OTUD7A: variants seen among roughly 807,000 people sequenced by gnomAD.
OTUD7A encodes the protein OTU domain-containing protein 7A.
In OTUD7A, 12 loss-of-function variants were observed where a neutral mutation model predicts 65.7. The ratio of observed to expected loss-of-function variants is 0.18; its 90% CI spans 0.12 to 0.30. OTUD7A has a LOEUF of 0.30. Among genes scored for constraint, OTUD7A ranks in the 10% least tolerant of loss-of-function variants. The pLI, the probability that OTUD7A is intolerant of heterozygous loss-of-function variation, is 1.00. For synonymous variants in OTUD7A, 641 were observed against 586.3 expected, an observed-to-expected ratio of 1.09 and a Z score of -1.35; for missense variants, 1,148 against 1,304.8, an observed-to-expected ratio of 0.88 and a Z score of 1.85.
intron 1 of OTUD7A, among the ~76,000 whole-genome samples, chr15:31,815,869 C>T (rs1177837196): frequency 6.6e-6 from 1 of 152,226 alleles, no homozygotes; most frequent in South Asian, 2.1e-4. Context: ...CATTTATTGG[C>T]AGCTCTCTCT....
intron 3 of OTUD7A, among the ~76,000 whole-genome samples, chr15:31,645,390 T>G (rs1159908424): frequency 2.0e-5 from 3 of 152,334 alleles, no homozygotes; most frequent in Admixed American, 6.5e-5. Flanking sequence ...TTAAAACTTT[T>G]TATTATGGAA....
chr15:31,766,279 TG>T, intron 1 of OTUD7A: 1 of 1,602,854 alleles, frequency 6.2e-7, no homozygotes, highest in East Asian at 2.2e-5. Flanking sequence ...TCATGAAGTT[TG>T]GGCATATCAA....
intron 3 of OTUD7A, among the ~76,000 whole-genome samples, chr15:31,648,646 T>C (rs966186687): frequency 3.3e-5 from 5 of 152,208 alleles, no homozygotes; most frequent in African/African-American, 9.7e-5. Flanking sequence ...CTATGACCTA[T>C]GCCCTCCACC....
chr15:31,786,401 C>A (rs1895675569), intron 1 of OTUD7A, among the ~76,000 whole-genome samples: 1 of 152,190 alleles, frequency 6.6e-6, no homozygotes, highest in Non-Finnish European at 1.5e-5. Flanking sequence ...GCACTTAAGG[C>A]AAAGAGGCCA....
chr15:31,492,120 CAG>C (rs1287660730), intron 10 of OTUD7A, among the ~76,000 whole-genome samples: 1 of 152,108 alleles, frequency 6.6e-6, no homozygotes, highest in East Asian at 1.9e-4. Flanking sequence ...ATTGCTCTAA[CAG>C]ATAACTGTCT....
At chr15:31,622,578 C>T (rs543543972) in intron 3 of OTUD7A, among the ~76,000 whole-genome samples, 374 of 152,280 alleles carry the variant, frequency 2.5e-3, no homozygotes, top group Non-Finnish European at 3.7e-3. Flanking sequence ...CTTGTGCATT[C>T]GTCGCGTAGT....
In OTUD7A at chr15:31,483,888, G is replaced by A. The variant is rs902944516; in HGVS notation, c.2208C>T (p.Pro736=). 5.0e-6 allele frequency: 5 copies of A among 997,606 alleles called. No individual in the cohort carries two copies. Among genetic ancestry groups the A allele is most frequent in the African/African-American group, 1.8e-5 (1 of 56,818 alleles). 61.8% of individuals were successfully genotyped at this position (997,606 alleles called of 1,614,324 possible). ...LKLKERPSPG[P]AAGRAARAAA... The stretch of plus-strand genomic sequence containing the variant: ...CCGCCCGCGCCGCACGCCCTGCCGC[G>A]GGCCCGGGGCTCGGCCGCTCCTTGA... The change falls in exon 13 of 13, where the codon CCC becomes CCT. Residue 736 remains proline (P), a synonymous_variant. Coordinates refer to ENST00000307050, the MANE Select transcript of OTUD7A (RefSeq NM_001382637.1).
At position 31,767,308 on chromosome 15, in the gene OTUD7A, C is replaced by T. The variant is rs898045457; in HGVS notation, c.-100+103199G>A. On this transcript the variant is annotated intron_variant, in intron 1 of 12. Transcript: ENST00000307050. The stretch of plus-strand genomic sequence containing the variant: ...AAATGAAACAAAAATGAAGATGCAA[C>T]CAAAATGTTCACAAGTAATTCGTAA... 7.5e-6 allele frequency: 6 copies of T among 800,800 alleles called. No homozygotes were observed. The African/African-American group carries it at 1.0e-4, about 14-fold the overall frequency. The allele number at this position is 800,800 out of a possible 1,614,324, so 49.6% of individuals were successfully genotyped here.
At chr15:31,730,932 G>T (rs975839809) in intron 1 of OTUD7A, among the ~76,000 whole-genome samples, 5 of 152,208 alleles carry the variant, frequency 3.3e-5, no homozygotes, top group Admixed American at 6.5e-5. Context: ...GAGTTTAGTA[G>T]CACCTTGGTC....
chr15:31,616,926 G>T (rs1890606136), intron 3 of OTUD7A, among the ~76,000 whole-genome samples: 1 of 152,110 alleles, frequency 6.6e-6, no homozygotes, highest in Non-Finnish European at 1.5e-5. Context: ...CTTACTATCT[G>T]TCCTGCCATG....
chr15:31,587,211 T>C (rs1209943941), intron 3 of OTUD7A, among the ~76,000 whole-genome samples: 2 of 152,178 alleles, frequency 1.3e-5, no homozygotes, highest in African/African-American at 2.4e-5. Flanking sequence ...TCAAAATCTC[T>C]ACCATTGCCA....
chr15:31,691,249 T>C (rs1246879757), intron 1 of OTUD7A, among the ~76,000 whole-genome samples: 1 of 152,182 alleles, frequency 6.6e-6, no homozygotes, highest in Middle Eastern at 3.2e-3. Context: ...CTGAAATTCA[T>C]ATGAAACCAC....
intron 3 of OTUD7A, among the ~76,000 whole-genome samples, chr15:31,585,722 G>A (rs1889514170): frequency 6.6e-6 from 1 of 152,170 alleles, no homozygotes; most frequent in Admixed American, 6.5e-5. Context: ...AGCCCCGGCT[G>A]TATTCATATG....
intron 1 of OTUD7A, among the ~76,000 whole-genome samples, chr15:31,823,149 C>T (rs970902197): frequency 6.6e-6 from 1 of 152,164 alleles, no homozygotes; most frequent in African/African-American, 2.4e-5. Flanking sequence ...GATGTCTCCC[C>T]AGGACACCTC....
chr15:31,762,975 A>G (rs1484464496), intron 1 of OTUD7A, among the ~76,000 whole-genome samples: 1 of 152,140 alleles, frequency 6.6e-6, no homozygotes, highest in Non-Finnish European at 1.5e-5. Flanking sequence ...AAGACGTAAG[A>G]ATAAACAAAT....
chr15:31,609,764 G>A (rs778103773), intron 3 of OTUD7A, among the ~76,000 whole-genome samples: 19 of 152,212 alleles, frequency 1.2e-4, no homozygotes, highest in Non-Finnish European at 5.9e-5. Flanking sequence ...GAGGCCAACC[G>A]GCACAAAAAC....
At chr15:31,626,790 G>A (rs1277095735) in intron 3 of OTUD7A, among the ~76,000 whole-genome samples, 2 of 151,924 alleles carry the variant, frequency 1.3e-5, no homozygotes, top group Non-Finnish European at 2.9e-5. Flanking sequence ...TGCCCAGGCT[G>A]GGCTCCAACT....
At chr15:31,840,947 G>C (rs1897169068) in intron 1 of OTUD7A, among the ~76,000 whole-genome samples, 1 of 152,176 alleles carries the variant, frequency 6.6e-6, no homozygotes, top group Non-Finnish European at 1.5e-5. Context: ...TACCACGCTG[G>C]GAGGGCTTCT....
Position 31,559,578 on chromosome 15 carries a change from G to C in OTUD7A, c.332-391C>G, listed in dbSNP as rs573904955. ...TGCACACACTAGACACATATACACT[G>C]CACATCCACTTGTATACATACATGT... On this transcript the variant is annotated intron_variant, in intron 4 of 12. Transcript: ENST00000307050. Among the ~76,000 whole-genome samples the C allele has an allele frequency of 1.4e-4, 22 of 152,086 alleles. No homozygotes were observed. The East Asian group carries it at 2.3e-3, about 16-fold the overall frequency.
Sources: gnomAD v4.1 joint callset for allele counts (sites outside exome capture counted in the v4.1 genomes callset) on GRCh38, gnomAD v4.1.1 for gene constraint, MANE v1.5 for transcripts, NCBI Gene and HGNC (gene_info 2026-07-23, HGNC 2026-07-21) for gene names.